PHACTR3: variants seen among roughly 807,000 people sequenced by gnomAD.
PHACTR3 encodes protein phosphatase 1, regulatory subunit 123.
In PHACTR3, 16 loss-of-function variants were observed where a neutral mutation model predicts 66.8. The ratio of observed to expected loss-of-function variants is 0.24; its 90% CI spans 0.16 to 0.36. The LOEUF (loss-of-function observed/expected upper bound fraction) is 0.36. PHACTR3 is among the 10% of genes least tolerant of loss of function. The pLI is 1.00. For missense variants in PHACTR3, 647 were observed against 719.9 expected (o/e 0.90, Z 1.16); for synonymous variants, 323 against 292.1 (o/e 1.11, Z -1.08).
chr20:59,796,262 G>T (rs1045818360), intron 7 of PHACTR3, among the ~76,000 whole-genome samples: 3 of 152,020 alleles, frequency 2.0e-5, no homozygotes, highest in Admixed American at 6.6e-5. Context: ...CACTCCCACA[G>T]TTTTTAATTA....
intron 1 of PHACTR3, among the ~76,000 whole-genome samples, chr20:59,693,380 G>T (rs2037180716): frequency 6.6e-6 from 1 of 152,166 alleles, no homozygotes; most frequent in South Asian, 2.1e-4. Flanking sequence ...TTTTAGGGTA[G>T]TCTGTTTCAT....
chr20:59,713,186 G>C (rs549236120), intron 1 of PHACTR3, among the ~76,000 whole-genome samples: 1 of 152,136 alleles, frequency 6.6e-6, no homozygotes, highest in Non-Finnish European at 1.5e-5. Flanking sequence ...CATTCATGAG[G>C]GTCCACAGAG....
chr20:59,733,775 C>T (rs1182465), intron 1 of PHACTR3, among the ~76,000 whole-genome samples: 105,447 of 152,096 alleles, frequency 0.69, 36,899 homozygotes, highest in Middle Eastern at 0.82. Context: ...AATAGTTCTT[C>T]GCTTGCTAGG....
intron 1 of PHACTR3, among the ~76,000 whole-genome samples, chr20:59,588,063 A>T (rs1175444939): frequency 6.6e-6 from 1 of 152,130 alleles, no homozygotes; most frequent in African/African-American, 2.4e-5. Context: ...TGATCAGGTC[A>T]CCGGGGGTCG....
At chr20:59,600,890 C>A (rs984225460), upstream of PHACTR3, among the ~76,000 whole-genome samples, 2 of 150,198 alleles carry the variant, frequency 1.3e-5, no homozygotes, top group African/African-American at 2.4e-5. Context: ...CCCACCAGGG[C>A]AAGAGGCAGA....
At chr20:59,685,083 T>A (rs2036812234) in intron 1 of PHACTR3, among the ~76,000 whole-genome samples, 1 of 152,076 alleles carries the variant, frequency 6.6e-6, no homozygotes, top group African/African-American at 2.4e-5. Context: ...CATGAAACCT[T>A]GACTCACCAC....
rs550153403 is a variant in PHACTR3 at position 59,736,496 on chromosome 20, C to T, written c.119-6611C>T. Among the ~76,000 whole-genome samples the T allele has an allele frequency of 1.3e-4, 19 of 151,844 alleles. No homozygotes were observed. In the East Asian group the frequency reaches 2.9e-3, roughly 23 times the overall value. On this transcript the variant is annotated intron_variant, in intron 1 of 12. Coordinates refer to ENST00000371015, the MANE Select transcript of PHACTR3 (RefSeq NM_080672.5). This position sits in a 1 kb window ranked among gnomAD's most constrained non-coding sequence, Gnocchi z 4.6. ...ACCCATGCAGGTGCACACCCACCCA[C>T]GCCCATGCACACTGGCTCCGCAGGT...
chr20:59,793,395 T>A (rs1331673243), intron 7 of PHACTR3, among the ~76,000 whole-genome samples: 1 of 152,240 alleles, frequency 6.6e-6, no homozygotes, highest in East Asian at 1.9e-4. Context: ...ATTTTAGCAA[T>A]GTTTATTCTT....
intron 1 of PHACTR3, among the ~76,000 whole-genome samples, chr20:59,712,289 G>A (rs1475729359): frequency 6.6e-6 from 1 of 152,066 alleles, no homozygotes; most frequent in Non-Finnish European, 1.5e-5. Context: ...TTGCATTGTT[G>A]AGAAATGCTT....
At chr20:59,652,605 T>C (rs2035492336) in intron 1 of PHACTR3, among the ~76,000 whole-genome samples, 1 of 152,210 alleles carries the variant, frequency 6.6e-6, no homozygotes, top group Admixed American at 6.5e-5. Flanking sequence ...TAATCTACTC[T>C]ATAATTTCCA....
intron 1 of PHACTR3, among the ~76,000 whole-genome samples, chr20:59,742,859 G>C (rs938615512): frequency 1.3e-5 from 2 of 152,186 alleles, no homozygotes; most frequent in African/African-American, 4.8e-5. Context: ...CGCGTCATAT[G>C]GCGGAAGGCG....
intron 1 of PHACTR3, among the ~76,000 whole-genome samples, chr20:59,719,785 A>G (rs985148085): frequency 6.6e-6 from 1 of 152,106 alleles, no homozygotes; most frequent in African/African-American, 2.4e-5. Context: ...CACTGGTGTG[A>G]CTGATGTTAA....
At chr20:59,695,787 C>A (rs2037276285) in intron 1 of PHACTR3, among the ~76,000 whole-genome samples, 1 of 151,566 alleles carries the variant, frequency 6.6e-6, no homozygotes, top group Non-Finnish European at 1.5e-5. Context: ...GGCTGGAGTG[C>A]AGAGGCATAA....
At chr20:59,721,285 G>A (rs1162361960) in intron 1 of PHACTR3, 1 of 152,320 alleles carries the variant, frequency 6.6e-6, no homozygotes, top group African/African-American at 2.4e-5. Flanking sequence ...GGATGCATCT[G>A]CGGTGGCCAT....
At chr20:59,811,224 G>A (rs777626350) in intron 8 of PHACTR3, among the ~76,000 whole-genome samples, 5 of 152,328 alleles carry the variant, frequency 3.3e-5, no homozygotes, top group Middle Eastern at 3.4e-3. Flanking sequence ...TTCTAGACAC[G>A]AAAGCACTGT....
rs555707524 is a variant in PHACTR3 at position 59,696,720 on chromosome 20, C to T, written c.119-46387C>T. On this transcript the variant is annotated intron_variant, in intron 1 of 12. Transcript: ENST00000371015. Reference sequence around the variant, plus strand: ...TCTGGGCAGCTGCCCATGGAGAACACAAGCCAGCAACCTTTGAGGAGAGCC... The same window carrying T: ...TCTGGGCAGCTGCCCATGGAGAACATAAGCCAGCAACCTTTGAGGAGAGCC... Among the ~76,000 whole-genome samples, 5 of 152,284 alleles carry T rather than the reference C, an allele frequency of 3.3e-5. No individual in the cohort carries two copies. In the South Asian group the frequency reaches 8.3e-4, roughly 25 times the overall value.
chr20:59,757,704 C>T (rs1475440510), intron 4 of PHACTR3, among the ~76,000 whole-genome samples: 1 of 152,188 alleles, frequency 6.6e-6, no homozygotes, highest in Non-Finnish European at 1.5e-5. Context: ...ATCATTCCAG[C>T]ACTTTGGGAA....
At chr20:59,658,907 A>G (rs1214892913) in intron 1 of PHACTR3, among the ~76,000 whole-genome samples, 2 of 149,654 alleles carry the variant, frequency 1.3e-5, no homozygotes, top group Non-Finnish European at 3.0e-5. Context: ...GCTTGTTGCC[A>G]TCATGGAGCT....
intron 11 of PHACTR3, 105 bp from the exon 12 acceptor site, chr20:59,845,084 A>G (rs991596486): frequency 2.8e-6 from 2 of 708,138 alleles, no homozygotes; most frequent in African/African-American, 3.6e-5. Context: ...TGTATATTAC[A>G]TAATAGAGTC....
Sources: allele counts gnomAD v4.1 joint callset (sites outside exome capture counted in the v4.1 genomes callset), GRCh38; gene constraint gnomAD v4.1.1; non-coding constraint Gnocchi (gnomAD v3.1); transcripts MANE v1.5; gene names NCBI Gene and HGNC (gene_info 2026-07-23, HGNC 2026-07-21).